Variants in FAM193A observed in about 807,000 individuals in gnomAD.
FAM193A encodes protein FAM193A.
Under a neutral mutation model 126.5 loss-of-function variants are expected in FAM193A, and 22 were observed. That is an observed-to-expected ratio of 0.17 (90% CI 0.12 to 0.25). The LOEUF is 0.25. FAM193A is among the 10% of genes least tolerant of loss of function. FAM193A has a pLI of 1.00. For synonymous variants in FAM193A, 761 were observed against 646.8 expected (o/e 1.18, Z -2.68); for missense variants, 1,675 against 1,672.8 (o/e 1.00, Z -0.02).
At chr4:2,690,397 TG>T (rs1179496628) in intron 14 of FAM193A, among the ~76,000 whole-genome samples, 1 of 152,240 alleles carries the variant, frequency 6.6e-6, no homozygotes, top group East Asian at 1.9e-4. Context: ...GCAAGTTGCT[TG>T]GCCTCTCTGA....
intron 2 of FAM193A, among the ~76,000 whole-genome samples, chr4:2,605,356 A>G (rs900144442): frequency 6.6e-6 from 1 of 152,198 alleles, no homozygotes; most frequent in Admixed American, 6.5e-5. Flanking sequence ...ATACTGTAGT[A>G]CAGTTTTCCT....
chr4:2,730,074 A>G (rs1721203933), intron 20 of FAM193A, among the ~76,000 whole-genome samples: 1 of 152,050 alleles, frequency 6.6e-6, no homozygotes, highest in African/African-American at 2.4e-5. Context: ...ACTCCTGGCT[A>G]ACTTTTTACT....
chr4:2,543,295 GCCAGGATGGTCTCGATCTCCTGA>G (rs1256537288), intron 1 of FAM193A, among the ~76,000 whole-genome samples: 67 of 151,956 alleles, frequency 4.4e-4, no homozygotes, highest in African/African-American at 1.6e-3. Flanking sequence ...CATCATGTTA[GCCAGGATGGTCTCGATCTCCTGA>G]CCTCGTGATG....
At chr4:2,688,217 G>C (rs1715965948) in intron 13 of FAM193A, among the ~76,000 whole-genome samples, 2 of 152,084 alleles carry the variant, frequency 1.3e-5, no homozygotes. Flanking sequence ...CATATAATTT[G>C]GGGAAAGGCA....
chr4:2,537,313 T>G (rs975634847), intron 1 of FAM193A, 143 bp downstream of exon 1: 44 of 154,808 alleles, frequency 2.8e-4, no homozygotes, highest in Non-Finnish European at 5.3e-4. Flanking sequence ...CCTGCGGCGC[T>G]GCGCTTGCCG....
At chr4:2,725,451 A>G (rs1185226592) in intron 20 of FAM193A, among the ~76,000 whole-genome samples, 1 of 93,428 alleles carries the variant, frequency 1.1e-5, no homozygotes. Flanking sequence ...CCCTGTCTCC[A>G]AAAAAAAAAA....
chr4:2,651,259 G>A (rs1373565305), intron 7 of FAM193A, among the ~76,000 whole-genome samples: 1 of 152,168 alleles, frequency 6.6e-6, no homozygotes, highest in Non-Finnish European at 1.5e-5. Context: ...GAACCTGGGA[G>A]GCAGAGGTTG....
At chr4:2,641,604 G>C (rs1033437060) in intron 6 of FAM193A, among the ~76,000 whole-genome samples, 1 of 152,018 alleles carries the variant, frequency 6.6e-6, no homozygotes, top group Non-Finnish European at 1.5e-5. Flanking sequence ...GCAGTGAGCT[G>C]AAATCGTGCC....
At chr4:2,707,977 T>G (rs560063734) in intron 19 of FAM193A, among the ~76,000 whole-genome samples, 29 of 152,300 alleles carry the variant, frequency 1.9e-4, no homozygotes, top group African/African-American at 6.3e-4. Flanking sequence ...CTCGAACTCC[T>G]GACTTCAAGT....
intron 20 of FAM193A, among the ~76,000 whole-genome samples, chr4:2,727,176 T>G (rs918960705): frequency 6.6e-6 from 1 of 152,058 alleles, no homozygotes; most frequent in Admixed American, 6.6e-5. Context: ...GGAGAATCGC[T>G]TGAACCCCGG....
At position 2,696,029 on chromosome 4, in the gene FAM193A, A is replaced by AAAATAAATAAAT. The variant is rs4040736; in HGVS notation, c.3277-318_3277-307dup. 6.4e-3 allele frequency among the ~76,000 whole-genome samples: 966 copies of AAAATAAATAAAT among 150,376 alleles called. 8 individuals carry two copies. The highest frequency in any genetic ancestry group is 0.034 in the Middle Eastern group (10 of 290). ...GGTGACAGAGCAAGACCTTGTCTCA[A>AAAATAAATAAAT]AAATAAATAAATAAATAAATAAATA... On this transcript the variant is annotated intron_variant, in intron 17 of 20. Transcript: ENST00000637812.
rs1275628677 is a variant in FAM193A, at chr4:2,536,651, C to G, written c.-265C>G. 4 of 151,174 alleles carry G rather than the reference C, an allele frequency of 2.6e-5. No individual in the cohort carries two copies. The East Asian group carries it at 8.0e-4, about 30-fold the overall frequency. 9.4% of individuals were successfully genotyped at this position (151,174 alleles called of 1,614,324 possible). On this transcript the variant is annotated 5_prime_UTR_variant, in exon 1 of 21. Coordinates refer to ENST00000637812, the MANE Select transcript of FAM193A (RefSeq NM_001366318.2). ...CCTCCCCCGACGTAAACTGGGATCC[C>G]TTTCCCCTTGTGTCCGCCATATTGG...
intron 6 of FAM193A, 100 bp from the exon 7 acceptor site, chr4:2,646,585 A>G: frequency 7.8e-7 from 1 of 1,282,574 alleles, no homozygotes; most frequent in South Asian, 1.5e-5. Context: ...TTGGGAGGCG[A>G]GATGACAAAG....
At chr4:2,680,141 G>C in intron 13 of FAM193A, among the ~76,000 whole-genome samples, 1 of 152,242 alleles carries the variant, frequency 6.6e-6, no homozygotes, top group South Asian at 2.1e-4. Flanking sequence ...GATTACAGGC[G>C]TGAGCCACTG....
chr4:2,592,842 G>A (rs560744989), intron 1 of FAM193A, among the ~76,000 whole-genome samples: 4 of 152,200 alleles, frequency 2.6e-5, no homozygotes, highest in Non-Finnish European at 4.4e-5. Context: ...AGCTCTCTGC[G>A]CCTGGGCTAG....
At chr4:2,731,518 T>C (rs1486032691) in intron 20 of FAM193A, among the ~76,000 whole-genome samples, 1 of 152,026 alleles carries the variant, frequency 6.6e-6, no homozygotes, top group Non-Finnish European at 1.5e-5. Flanking sequence ...CTCACAGCTC[T>C]CAGATTAAAC....
At chr4:2,634,038 A>T (rs1019103495) in intron 5 of FAM193A, among the ~76,000 whole-genome samples, 39 of 152,342 alleles carry the variant, frequency 2.6e-4, no homozygotes, top group African/African-American at 9.4e-4. Flanking sequence ...ATTTCTTCTG[A>T]TCCTGGGAGA....
intron 1 of FAM193A, among the ~76,000 whole-genome samples, chr4:2,585,334 C>G (rs900110508): frequency 6.6e-6 from 1 of 152,208 alleles, no homozygotes; most frequent in African/African-American, 2.4e-5. Context: ...TATTTTCACT[C>G]TACCAGCAGT....
intron 4 of FAM193A, among the ~76,000 whole-genome samples, chr4:2,630,279 C>T (rs1743429351): frequency 6.6e-6 from 1 of 151,274 alleles, no homozygotes; most frequent in African/African-American, 2.4e-5. Context: ...ACTCTTCAGC[C>T]TACAAATTTT....
Sources: allele counts gnomAD v4.1 joint callset (sites outside exome capture counted in the v4.1 genomes callset), GRCh38; gene constraint gnomAD v4.1.1; transcripts MANE v1.5; gene names NCBI Gene and HGNC (gene_info 2026-07-23, HGNC 2026-07-21).